Variants in KPNA5 observed in about 807,000 individuals in gnomAD.
The protein encoded by KPNA5 is importin subunit alpha-6.
KPNA5 carries 46 observed loss-of-function variants against 71.3 expected under a neutral mutation model. The observed-to-expected ratio is 0.65, with a 90% CI of 0.51 to 0.83. KPNA5 has a LOEUF of 0.83. KPNA5 is among the 40% of genes least tolerant of loss of function. The probability of loss-of-function intolerance (pLI) is 0.00; values close to 1 mark genes in which losing one functional copy is unlikely to be tolerated. For synonymous variants in KPNA5, 207 were observed against 201.4 expected (o/e 1.03, Z -0.24); for missense variants, 547 against 628.3 (o/e 0.87, Z 1.38).
At chr6:116,723,026 G>T (rs1161686558) in intron 9 of KPNA5, among the ~76,000 whole-genome samples, 2 of 152,132 alleles carry the variant, frequency 1.3e-5, no homozygotes, top group African/African-American at 2.4e-5. Context: ...CAGCATGGGG[G>T]ATCAGGGCCC....
chr6:116,697,720 G>A (rs1778079105), intron 4 of KPNA5, among the ~76,000 whole-genome samples: 1 of 151,952 alleles, frequency 6.6e-6, no homozygotes, highest in Non-Finnish European at 1.5e-5. Flanking sequence ...ATGACTACAT[G>A]AATAGATAAC....
intron 13 of KPNA5, among the ~76,000 whole-genome samples, chr6:116,731,731 T>C (rs917160650): frequency 5.3e-5 from 8 of 152,082 alleles, no homozygotes; most frequent in African/African-American, 1.9e-4. Flanking sequence ...TCATTTAATT[T>C]GTTTTGTTGC....
chr6:116,692,467 T>TA, intron 4 of KPNA5, 75 bp downstream of exon 4: 2 of 925,766 alleles, frequency 2.2e-6, no homozygotes, highest in African/African-American at 1.7e-5. Flanking sequence ...TGTTTTTTTT[T>TA]AAATTTTAAA....
rs1045444351 is a variant in KPNA5 at position 116,738,195 on chromosome 6, A to G, written c.*5872A>G. 6.6e-6 allele frequency: 1 copy of G among 152,168 alleles called. No individual in the cohort carries two copies. The highest frequency in any genetic ancestry group is 2.4e-5 in the African/African-American group (1 of 41,458). 9.4% of individuals were successfully genotyped at this position (152,168 alleles called of 1,614,324 possible). ...TCACCACCGATCCCACAGAAATACA[A>G]ACTACCATCAGAGAATACTATAAAC... On this transcript the variant is annotated 3_prime_UTR_variant, in exon 14 of 14. Coordinates refer to ENST00000368564, the MANE Select transcript of KPNA5 (RefSeq NM_001366306.2).
intron 8 of KPNA5, among the ~76,000 whole-genome samples, chr6:116,718,129 C>T (rs780436320): frequency 3.9e-5 from 6 of 152,132 alleles, no homozygotes; most frequent in Non-Finnish European, 8.8e-5. Context: ...TCATGCCCTG[C>T]TTAAGCGTGT....
intron 4 of KPNA5, among the ~76,000 whole-genome samples, chr6:116,693,279 T>C (rs1267404709): frequency 6.6e-6 from 1 of 152,192 alleles, no homozygotes; most frequent in Admixed American, 6.5e-5. Context: ...TCAAATGGTA[T>C]TTCTAGTTCT....
chr6:116,701,657 G>T (rs2114410347), intron 5 of KPNA5, among the ~76,000 whole-genome samples: 1 of 152,188 alleles, frequency 6.6e-6, no homozygotes, highest in Middle Eastern at 3.4e-3. Context: ...TATAAGTAGT[G>T]TCTCTTATTT....
In KPNA5 at chr6:116,739,105, A is replaced by G. The variant is rs1442191549; in HGVS notation, c.*6782A>G. The G allele has an allele frequency of 1.3e-5, 2 of 152,156 alleles. No homozygotes were observed. The highest frequency in any genetic ancestry group is 2.9e-5 in the Non-Finnish European group (2 of 68,028). 9.4% of individuals were successfully genotyped at this position (152,156 alleles called of 1,614,324 possible). A position where few individuals can be genotyped will look rare whatever the true frequency, so the allele number is the denominator to read the frequency against. ...CATGATTGTATATCTAGAAAACCCC[A>G]TTGTCTAAGCCCAAAATCTCCTTAA... On this transcript the variant is annotated 3_prime_UTR_variant, in exon 14 of 14. Coordinates refer to ENST00000368564, the MANE Select transcript of KPNA5 (RefSeq NM_001366306.2).
At chr6:116,683,516 A>T (rs1207804420) in intron 1 of KPNA5, among the ~76,000 whole-genome samples, 3 of 152,196 alleles carry the variant, frequency 2.0e-5, no homozygotes, top group Non-Finnish European at 4.4e-5. Flanking sequence ...TTTTATAGAT[A>T]TAAAATAGAG....
chr6:116,683,896 C>CTTTTTTTT (rs140446065), intron 1 of KPNA5, among the ~76,000 whole-genome samples: 5 of 59,612 alleles, frequency 8.4e-5, no homozygotes, highest in East Asian at 6.7e-4. Flanking sequence ...CGTGCCCGGC[C>CTTTTTTTT]TTTTTTTTTT....
intron 11 of KPNA5, among the ~76,000 whole-genome samples, 184 bp from the exon 12 acceptor site, chr6:116,726,311 A>T (rs572569684): frequency 6.6e-6 from 1 of 152,150 alleles, no homozygotes; most frequent in African/African-American, 2.4e-5. Flanking sequence ...TTAAAAAGCT[A>T]ATTTCCTATG....
chr6:116,729,034 A>G (rs1275845400), intron 12 of KPNA5, among the ~76,000 whole-genome samples: 1 of 152,192 alleles, frequency 6.6e-6, no homozygotes, highest in South Asian at 2.1e-4. Flanking sequence ...CAGGCCTTCT[A>G]TCCTTCTGAA....
chr6:116,697,481 A>G (rs949193706), intron 4 of KPNA5, among the ~76,000 whole-genome samples: 6 of 152,092 alleles, frequency 3.9e-5, no homozygotes, highest in African/African-American at 1.2e-4. Context: ...AATTGAGAAC[A>G]AGGTTTCTAG....
chr6:116,723,862 G>A (rs538773203), intron 9 of KPNA5, among the ~76,000 whole-genome samples: 12 of 152,000 alleles, frequency 7.9e-5, no homozygotes, highest in African/African-American at 2.9e-4. Context: ...AAACAATAAT[G>A]GTAAAATGGA....
At chr6:116,682,037 C>A (rs1777380090) in intron 1 of KPNA5, among the ~76,000 whole-genome samples, 1 of 151,996 alleles carries the variant, frequency 6.6e-6, no homozygotes, top group South Asian at 2.1e-4. Flanking sequence ...GAGGCGGAGG[C>A]GGGCGGATCA....
rs763974311 is a variant in KPNA5 at position 116,732,139 on chromosome 6, T to G, written c.1436T>G (p.Leu479Arg). The change falls in exon 14 of 14, where the codon CTG becomes CGG. Residue 479 changes from leucine to arginine, a missense_variant. Transcript: ENST00000368564. ...ATATATATACTTTGTATAACAGGTC[T>G]GGATAAAATTGAGTTTTTGCAAAGC... ...YCALIEEAYGLDKIEFLQSHE... is the reference protein window; with the variant it reads ...YCALIEEAYGRDKIEFLQSHE... The G allele has an allele frequency of 8.0e-7, 1 of 1,256,634 alleles. No homozygotes were observed. The highest frequency in any genetic ancestry group is 2.3e-5 in the Admixed American group (1 of 44,334). 77.8% of individuals were successfully genotyped at this position (1,256,634 alleles called of 1,614,324 possible).
intron 1 of KPNA5, chr6:116,681,624 A>T: frequency 1.0e-6 from 1 of 979,468 alleles, no homozygotes; most frequent in Non-Finnish European, 1.3e-6. Flanking sequence ...GCCCCGCCTC[A>T]CCGTTTCTCG....
In KPNA5 at chr6:116,738,603, A is replaced by G. The variant is rs552814162; in HGVS notation, c.*6280A>G. The G allele has an allele frequency of 3.3e-5, 5 of 152,234 alleles. No individual in the cohort carries two copies. Among genetic ancestry groups the G allele is most frequent in the East Asian group, 3.9e-4 (2 of 5,178 alleles). 9.4% of individuals were successfully genotyped at this position (152,234 alleles called of 1,614,324 possible). A position where few individuals can be genotyped will look rare whatever the true frequency, so the allele number is the denominator to read the frequency against. On this transcript the variant is annotated 3_prime_UTR_variant, in exon 14 of 14. Transcript: ENST00000368564. ...GAACATTGATGCAAAAATCCTCAAT[A>G]AAATACTGGCAAACCGAATCCAGCA...
Position 116,729,703 on chromosome 6 carries a change from G to T in KPNA5, c.1394G>T (p.Gly465Val). Residue 465 changes from glycine to valine, a missense_variant, in exon 13 of 14, where the codon GGC becomes GTC. Transcript: ENST00000368564. ...CAAGAATCTAAGCAGAATGGAATAG[G>T]CATTAATCCATACTGTGCTCTCATT... ...GEQESKQNGI[G>V]INPYCALIEE... 6.2e-7 allele frequency: 1 copy of T among 1,604,912 alleles called. No homozygotes were observed. Among genetic ancestry groups the T allele is most frequent in the Non-Finnish European group, 8.5e-7 (1 of 1,175,580 alleles).
Sources: allele counts gnomAD v4.1 joint callset (sites outside exome capture counted in the v4.1 genomes callset), GRCh38; gene constraint gnomAD v4.1.1; transcripts MANE v1.5; gene names NCBI Gene and HGNC (gene_info 2026-07-23, HGNC 2026-07-21).